Variants in NEB observed in about 807,000 individuals in gnomAD.
The protein encoded by NEB is nemaline myopathy type 2.
Under a neutral mutation model 952.2 loss-of-function variants are expected in NEB, and 512 were observed. The ratio of observed to expected loss-of-function variants is 0.54; its 90% CI spans 0.50 to 0.58. The LOEUF (loss-of-function observed/expected upper bound fraction) is 0.58, where lower values mean the gene tolerates loss of function less well. Ranked by LOEUF, NEB falls within the 20% of genes least tolerant of loss-of-function variation. The pLI, the probability that NEB is intolerant of heterozygous loss-of-function variation, is 0.00. For synonymous variants in NEB, 2,900 were observed against 3,149.8 expected (o/e 0.92, Z 2.66); for missense variants, 8,428 against 9,231.1 (o/e 0.91, Z 3.56).
chr2:151,640,203 G>A, intron 61 of NEB, 143 bp from the exon 62 acceptor site: 12 of 1,462,660 alleles, frequency 8.2e-6, no homozygotes, highest in East Asian at 2.3e-5. Context: ...TCTTTGGTCT[G>A]AAGGGTTAAA....
In NEB at chr2:151,639,849, A is replaced by C; in HGVS notation, c.8889+8T>G. ...GCCCCACTTCGATTCTTAATTTTGA[A>C]GTCTCACCTTGTTCATAGTGATGGC... On this transcript the variant is annotated splice_region_variant and intron_variant, in intron 62 of 181. Coordinates refer to ENST00000397345, the MANE Select transcript of NEB (RefSeq NM_001164508.2). The C allele has an allele frequency of 6.2e-7, 1 of 1,604,072 alleles. No individual in the cohort carries two copies. Among genetic ancestry groups the C allele is most frequent in the Non-Finnish European group, 8.5e-7 (1 of 1,173,108 alleles).
chr2:151,634,716 C>T lies in NEB; in HGVS notation c.9103-751G>A, dbSNP rs144547460. On this transcript the variant is annotated intron_variant, in intron 64 of 181. Coordinates refer to ENST00000397345, the MANE Select transcript of NEB (RefSeq NM_001164508.2). ...TGTAAGGATCACCTGTAGTAGCAAC[C>T]GAGGAGAATTTATTATTATTATTAT... 6.4e-3 allele frequency among the ~76,000 whole-genome samples: 965 copies of T among 151,660 alleles called. 2 individuals carry two copies. Among genetic ancestry groups the T allele is most frequent in the African/African-American group, 0.022 (908 of 41,344 alleles).
At chr2:151,701,362 G>C (rs2099666995) in intron 13 of NEB, among the ~76,000 whole-genome samples, 1 of 151,860 alleles carries the variant, frequency 6.6e-6, no homozygotes, top group Non-Finnish European at 1.5e-5. Context: ...TTTGGTATCA[G>C]AATGATGCTG....
Position 151,665,409 on chromosome 2 carries a change from T to C in NEB, c.5162A>G (p.Glu1721Gly), listed in dbSNP as rs1229587500. The part of the protein sequence containing the change: ...LSEKKYRQHP[E>G]KLKFTYAMDT... ...CATGGCGTAAGTGAACTTCAGCTTC[T>C]CGGGGTGCTGGCGATACTTCTTCTC... Residue 1721 changes from glutamate to glycine, a missense_variant, in exon 42 of 182, where the codon GAG becomes GGG. Glu to Gly is a moderately conservative substitution (Grantham distance 98, BLOSUM62 -2). Transcript: ENST00000397345. The C allele has an allele frequency of 6.2e-7, 1 of 1,613,702 alleles. No individual in the cohort carries two copies. Among genetic ancestry groups the C allele is most frequent in the Non-Finnish European group, 8.5e-7 (1 of 1,179,806 alleles).
chr2:151,713,441 T>C (rs6433576), intron 10 of NEB, among the ~76,000 whole-genome samples: 150,005 of 152,302 alleles, frequency 0.98, 73,928 homozygotes, highest in East Asian at 1. Context: ...TGGAAATCTT[T>C]CCAATTCTAT....
At chr2:151,515,441 G>A (rs1575782755) in intron 157 of NEB, among the ~76,000 whole-genome samples, 1 of 152,050 alleles carries the variant, frequency 6.6e-6, no homozygotes, top group East Asian at 1.9e-4. Context: ...TCAAACTCCT[G>A]AGCTGAAGTG....
rs117299707 is a variant in NEB, at chr2:151,666,953, T to C, written c.4720-552A>G. On this transcript the variant is annotated intron_variant, in intron 40 of 181. Transcript: ENST00000397345. ...AGTAAATTTCAGCCCTAATACAAAT[T>C]AGTGTATTAATCTTGAAATTAATGC... Among the ~76,000 whole-genome samples the C allele has an allele frequency of 4.2e-3, 642 of 152,242 alleles. 16 individuals carry two copies. In the East Asian group the frequency reaches 0.069, roughly 16 times the overall value.
At chr2:151,692,608 G>A (rs1005472527) in intron 20 of NEB, among the ~76,000 whole-genome samples, 6 of 152,024 alleles carry the variant, frequency 3.9e-5, no homozygotes, top group Middle Eastern at 6.3e-3. Context: ...ACTGAAAAAC[G>A]CACACCAATG....
chr2:151,492,401 G>A lies in NEB; in HGVS notation c.24859C>T (p.Arg8287Trp), dbSNP rs200804762. The stretch of plus-strand genomic sequence containing the variant: ...TCCTGACTCACCGTTGAGATGTGCC[G>A]TTGGGTCTCCCTCACCCGTCTCATC... ...PEMRRVRETQ[R>W]HISTVKYHED... The change falls in exon 177 of 182, where the codon CGG (arginine) becomes TGG (tryptophan). Residue 8287 changes from arginine to tryptophan, a missense_variant. Physicochemically the swap from Arg to Trp is moderately radical, Grantham distance 101 (BLOSUM62 -3). Around this residue, in one of 11 missense-constraint regions of NEB, gnomAD observed 3,374 missense variants for 3,651.5 expected, o/e 0.92. Coordinates refer to ENST00000397345, the MANE Select transcript of NEB (RefSeq NM_001164508.2). The A allele has an allele frequency of 1.3e-5, 21 of 1,604,444 alleles. No homozygotes were observed. Among genetic ancestry groups the A allele is most frequent in the Non-Finnish European group, 1.6e-5 (19 of 1,175,254 alleles).
intron 10 of NEB, among the ~76,000 whole-genome samples, chr2:151,715,295 A>G (rs777666448): frequency 7.2e-5 from 11 of 152,260 alleles, no homozygotes; most frequent in African/African-American, 1.9e-4. Flanking sequence ...ACATTCCAAC[A>G]TGTAATCAAC....
intron 135 of NEB, among the ~76,000 whole-genome samples, chr2:151,541,926 A>G (rs985662820): frequency 6.6e-6 from 1 of 152,150 alleles, no homozygotes; most frequent in African/African-American, 2.4e-5. Flanking sequence ...CCTGTCATTA[A>G]TTAAGCCTTT....
chr2:151,496,345 G>A lies in NEB; in HGVS notation c.24417C>T (p.Gly8139=), dbSNP rs2152938290. 6.2e-7 allele frequency: 1 copy of A among 1,610,536 alleles called. No individual in the cohort carries two copies. Among genetic ancestry groups the A allele is most frequent in the Non-Finnish European group, 8.5e-7 (1 of 1,178,140 alleles). The change falls in exon 173 of 182, where the codon GGC becomes GGT. Residue 8139 remains glycine, a synonymous_variant. Coordinates refer to ENST00000397345, the MANE Select transcript of NEB (RefSeq NM_001164508.2). Reference sequence around the variant, plus strand: ...GAGTGACAGCTAAAGGAGTTCCCTTGCCCATGTTTTCTTTGTATAACACCT... The same window carrying A: ...GAGTGACAGCTAAAGGAGTTCCCTTACCCATGTTTTCTTTGTATAACACCT... ...ISSVLYKENM[G]KGTPLAVTPE...
intron 105 of NEB, among the ~76,000 whole-genome samples, chr2:151,579,062 C>T (rs1237133023): frequency 1.2e-4 from 12 of 103,678 alleles, no homozygotes; most frequent in African/African-American, 4.6e-4. Flanking sequence ...GCCTGGGTGA[C>T]AGAGCAAGAC....
At chr2:151,681,968 A>G (rs2099417153) in intron 29 of NEB, among the ~76,000 whole-genome samples, 1 of 152,212 alleles carries the variant, frequency 6.6e-6, no homozygotes, top group Admixed American at 6.5e-5. Flanking sequence ...TGTGGTGTGT[A>G]TTATGCTGGG....
chr2:151,688,466 C>G (rs534067782), intron 24 of NEB, 70 bp from the exon 25 acceptor site: 1 of 1,191,676 alleles, frequency 8.4e-7, no homozygotes, highest in East Asian at 2.4e-5. Flanking sequence ...GCATATATAG[C>G]TAAGGCATTA....
At chr2:151,730,285 T>C (rs957958913) in intron 3 of NEB, among the ~76,000 whole-genome samples, 1 of 152,062 alleles carries the variant, frequency 6.6e-6, no homozygotes, top group Non-Finnish European at 1.5e-5. Flanking sequence ...AAATGCCAAG[T>C]AATGAAGGGG....
rs1203100535 is a variant in NEB, at chr2:151,576,251, T to C, written c.16808A>G (p.Asp5603Gly). Residue 5603 changes from aspartate (D) to glycine (G), a missense_variant, in exon 106 of 182, where the codon GAC (aspartate) becomes GGC (glycine). By Grantham distance (94) the Asp-to-Gly change is moderately conservative. Transcript: ENST00000397345. ...CACCACAGGCGTCCGATAGACACTG[T>C]CACAAAAGATATTCTGGGCGTTTTT... is the stretch of plus-strand genomic sequence containing the variant. ...RVKNAQNIFCDSVYRTPVVNL... is the reference protein window; with the variant it reads ...RVKNAQNIFCGSVYRTPVVNL... 8.1e-6 allele frequency: 13 copies of C among 1,611,260 alleles called. No homozygotes were observed. The highest frequency in any genetic ancestry group is 1.1e-5 in the Non-Finnish European group (13 of 1,178,148).
At chr2:151,650,963 C>G in intron 52 of NEB, 78 bp from the exon 53 acceptor site, 1 of 1,385,974 alleles carries the variant, frequency 7.2e-7, no homozygotes, top group Non-Finnish European at 9.8e-7. Flanking sequence ...TCTTTTCTTT[C>G]TTTCTTTTTT....
At chr2:151,729,962 A>T (rs528428802) in intron 3 of NEB, among the ~76,000 whole-genome samples, 1 of 152,266 alleles carries the variant, frequency 6.6e-6, no homozygotes, top group African/African-American at 2.4e-5. Context: ...TTTTTTTCTT[A>T]TGGTCCCCAA....
Sources: allele counts gnomAD v4.1 joint callset (sites outside exome capture counted in the v4.1 genomes callset), GRCh38; gene constraint gnomAD v4.1.1; regional missense constraint gnomAD v4.1.1; transcripts MANE v1.5; gene names NCBI Gene and HGNC (gene_info 2026-07-23, HGNC 2026-07-21).